The following MTCL1 variants were observed in gnomAD, a reference collection of about 807,000 sequenced individuals.
MTCL1 encodes microtubule cross-linking factor 1.
A neutral mutation model predicts 141.4 loss-of-function variants in MTCL1; 79 were observed. The observed-to-expected ratio is 0.56, with a 90% CI of 0.47 to 0.67. MTCL1 has a LOEUF of 0.67. Ranked by LOEUF, MTCL1 falls within the 30% of genes least tolerant of loss-of-function variation. The pLI, the probability that MTCL1 is intolerant of heterozygous loss-of-function variation, is 0.00. For missense variants in MTCL1, 2,177 were observed against 2,113.9 expected (o/e 1.03, Z -0.59); for synonymous variants, 914 against 875.8 (o/e 1.04, Z -0.77).
At chr18:8,784,379 G>A (rs1306045883) in exon 6 of MTCL1, 3 of 1,528,534 alleles carry the variant, frequency 2.0e-6, no homozygotes, top group East Asian at 2.3e-5. Flanking sequence ...GGAAATGTTT[G>A]AGAAGACGTC....
chr18:8,772,389 G>A (rs943715798), intron 4 of MTCL1, among the ~76,000 whole-genome samples: 1 of 151,996 alleles, frequency 6.6e-6, no homozygotes, highest in Non-Finnish European at 1.5e-5. Flanking sequence ...TTTCTCTGAC[G>A]TCTTTAAAAT....
At chr18:8,790,533 C>G (rs1250394118) in intron 7 of MTCL1, among the ~76,000 whole-genome samples, 1 of 152,186 alleles carries the variant, frequency 6.6e-6, no homozygotes, top group South Asian at 2.1e-4. Context: ...GGAGGGAAGC[C>G]CCAAGGGCAG....
upstream of MTCL1, among the ~76,000 whole-genome samples, chr18:8,714,537 A>C (rs1244588425): frequency 6.6e-6 from 1 of 152,190 alleles, no homozygotes; most frequent in South Asian, 2.1e-4. Context: ...TCATGGTGGA[A>C]GACAAAGGAG....
At chr18:8,718,843 A>C (rs899568793) in intron 3 of MTCL1, among the ~76,000 whole-genome samples, 195 bp downstream of exon 2, 4 of 152,224 alleles carry the variant, frequency 2.6e-5, no homozygotes, top group African/African-American at 9.7e-5. Context: ...CATTTGTCAT[A>C]ATATGAACTT....
rs1427931572 is a variant in MTCL1, at chr18:8,783,421, G to A, written c.418-109G>A. 2.3e-5 allele frequency: 23 copies of A among 1,010,338 alleles called. No individual in the cohort carries two copies. The East Asian group carries it at 3.4e-4, about 15-fold the overall frequency. The allele number at this position is 1,010,338 out of a possible 1,614,324, so 62.6% of individuals were successfully genotyped here. On this transcript the variant is annotated intron_variant, in intron 5 of 16. Transcript: ENST00000359865. ...CTCAGCGGCACCGATGGGAAGATCG[G>A]TGTTTGATGTTTGTGTGCATTGGGG...
At chr18:8,806,766 CTGCA>C (rs2144113765) in intron 10 of MTCL1, 123 bp from the exon 10 acceptor site, 1 of 836,202 alleles carries the variant, frequency 1.2e-6, no homozygotes, top group Non-Finnish European at 1.8e-6. Flanking sequence ...CCCACCCACC[CTGCA>C]CCCACTGCCA....
rs552849671 is a variant in MTCL1, at chr18:8,826,508, C to A, written c.4722+276C>A. On this transcript the variant is annotated intron_variant, in intron 15 of 16. Transcript: ENST00000359865. ...CTGTCACCAGTCTTAAGTGATTGAT[C>A]CTTATTTATCAGGGCATTTTATTTG... Among the ~76,000 whole-genome samples, 3 of 152,304 alleles carry A rather than the reference C, an allele frequency of 2.0e-5. No homozygotes were observed. The South Asian group carries it at 6.2e-4, about 32-fold the overall frequency.
intron 4 of MTCL1, among the ~76,000 whole-genome samples, chr18:8,770,843 T>A (rs1351548793): frequency 2.6e-5 from 4 of 152,162 alleles, no homozygotes; most frequent in Admixed American, 2.6e-4. Context: ...GATTTGTTTT[T>A]TTGGGTCCTG....
chr18:8,780,178 C>G (rs2096527969), intron 5 of MTCL1, among the ~76,000 whole-genome samples: 1 of 152,236 alleles, frequency 6.6e-6, no homozygotes, highest in African/African-American at 2.4e-5. Context: ...CCTGAGCCTT[C>G]CTTGTCATAT....
intron 7 of MTCL1, among the ~76,000 whole-genome samples, chr18:8,788,753 T>C (rs1320730935): frequency 8.5e-5 from 13 of 152,336 alleles, no homozygotes; most frequent in East Asian, 1.9e-4. Flanking sequence ...GGCATTCTTA[T>C]AAACAGCCAC....
At chr18:8,754,249 T>G (rs2096386229) in intron 4 of MTCL1, among the ~76,000 whole-genome samples, 2 of 152,178 alleles carry the variant, frequency 1.3e-5, no homozygotes. Flanking sequence ...TTTTGTAATT[T>G]TAATAGAGAC....
At chr18:8,715,446 A>G (rs1796147144), upstream of MTCL1, among the ~76,000 whole-genome samples, 1 of 152,242 alleles carries the variant, frequency 6.6e-6, no homozygotes, top group African/African-American at 2.4e-5. Flanking sequence ...CATTCTTTCC[A>G]TGAACAGAAT....
chr18:8,718,595 G>A, exon 3 of MTCL1: 1 of 1,614,014 alleles, frequency 6.2e-7, no homozygotes. Context: ...GAAAGTGGCT[G>A]AGACGGGTCA....
intron 11 of MTCL1, among the ~76,000 whole-genome samples, chr18:8,807,285 G>C (rs1235296534): frequency 6.6e-6 from 1 of 152,144 alleles, no homozygotes; most frequent in Non-Finnish European, 1.5e-5. Context: ...AGCATTTTCA[G>C]AGCAGCATGT....
At chr18:8,745,140 A>G (rs1291600863) in intron 4 of MTCL1, among the ~76,000 whole-genome samples, 1 of 152,248 alleles carries the variant, frequency 6.6e-6, no homozygotes, top group Non-Finnish European at 1.5e-5. Flanking sequence ...ATGATTAAAA[A>G]TCAATCATTA....
At chr18:8,736,624 T>C (rs1036299526) in intron 4 of MTCL1, among the ~76,000 whole-genome samples, 2 of 146,848 alleles carry the variant, frequency 1.4e-5, no homozygotes, top group African/African-American at 5.0e-5. Flanking sequence ...GGGGGCCTTC[T>C]ATATCCATGT....
At chr18:8,763,758 G>A (rs567144717) in intron 4 of MTCL1, among the ~76,000 whole-genome samples, 9 of 152,120 alleles carry the variant, frequency 5.9e-5, no homozygotes, top group Non-Finnish European at 1.0e-4. Context: ...ACACATCATC[G>A]GTTTTCTCCT....
chr18:8,715,820 G>A (rs967302704), upstream of MTCL1, among the ~76,000 whole-genome samples: 37 of 152,222 alleles, frequency 2.4e-4, no homozygotes, highest in African/African-American at 8.7e-4. Flanking sequence ...CCCATAGGGC[G>A]TCTTCAAAGC....
intron 4 of MTCL1, among the ~76,000 whole-genome samples, chr18:8,753,799 G>A (rs185200012): frequency 4.6e-5 from 7 of 152,218 alleles, no homozygotes; most frequent in Admixed American, 1.3e-4. Context: ...TTGCATTCAC[G>A]ACACACCCAG....
Sources: gnomAD v4.1 joint callset for allele counts (sites outside exome capture counted in the v4.1 genomes callset) on GRCh38, gnomAD v4.1.1 for gene constraint, MANE v1.5 for transcripts, NCBI Gene and HGNC (gene_info 2026-07-23, HGNC 2026-07-21) for gene names.